ACSF3: variants seen among roughly 807,000 people sequenced by gnomAD.
ACSF3 encodes acyl-CoA synthetase family member 3.
In ACSF3, 78 loss-of-function variants were observed where a neutral mutation model predicts 53.2. That is an observed-to-expected ratio of 1.47 (90% confidence interval 1.22 to 1.77). The LOEUF (loss-of-function observed/expected upper bound fraction) is 1.77. Among genes scored for constraint, ACSF3 ranks in the 40% most tolerant of loss-of-function variants. The pLI, the probability that ACSF3 is intolerant of heterozygous loss-of-function variation, is 0.00. For synonymous variants in ACSF3, 414 were observed against 333.1 expected, an observed-to-expected ratio of 1.24 and a Z score of -2.65; for missense variants, 937 against 771.1, an observed-to-expected ratio of 1.22 and a Z score of -2.55.
At chr16:89,134,937 G>A (rs375725870) in intron 8 of ACSF3, among the ~76,000 whole-genome samples, 1 of 152,196 alleles carries the variant, frequency 6.6e-6, no homozygotes, top group East Asian at 1.9e-4. Context: ...GCAGACGTGC[G>A]TGGGTGGACA....
intron 7 of ACSF3, among the ~76,000 whole-genome samples, chr16:89,128,967 AG>A (rs1908726877): frequency 1.4e-4 from 3 of 21,182 alleles, no homozygotes; most frequent in African/African-American, 4.7e-4. Context: ...CTCTACAAAA[AG>A]TTGGAAAAAA....
intron 8 of ACSF3, among the ~76,000 whole-genome samples, chr16:89,142,737 A>G (rs72817496): frequency 0.01 from 1,527 of 150,540 alleles, 17 homozygotes; most frequent in Non-Finnish European, 0.016. Context: ...ACCTATAGAC[A>G]CACCCACACC....
intron 1 of ACSF3, among the ~76,000 whole-genome samples, chr16:89,097,410 A>C (rs1974751663): frequency 6.6e-6 from 1 of 152,204 alleles, no homozygotes; most frequent in Non-Finnish European, 1.5e-5. Flanking sequence ...AGCACCCCAG[A>C]AAGCACCGTC....
intron 2 of ACSF3, among the ~76,000 whole-genome samples, chr16:89,099,090 T>G (rs867198969): frequency 2.2e-4 from 33 of 152,306 alleles, no homozygotes; most frequent in African/African-American, 7.5e-4. Context: ...GAGCAAAGCT[T>G]TGATTATAAA....
Position 89,120,912 on chromosome 16 carries a change from AG to A in ACSF3, c.1239+1del, listed in dbSNP as rs1567712605. 4 of 1,613,580 alleles carry A rather than the reference AG, an allele frequency of 2.5e-6. No individual in the cohort carries two copies. On this transcript the variant is annotated frameshift_variant and splice_region_variant, in exon 7 of 11. Coordinates refer to ENST00000614302, the MANE Select transcript of ACSF3 (RefSeq NM_001243279.3). LOFTEE classifies it high-confidence loss of function. Reference protein sequence around the residue: ...IHAEGDERGTKVTPGFEEKEG... With the variant: ...IHAEGDERGTXVTPGFEEKEG... ...GCAGAGGGAGACGAGAGGGGGACCA[AG>A]GTAAGCCACTCTGCTCTTGGCAGGT...
intron 1 of ACSF3, among the ~76,000 whole-genome samples, chr16:89,096,946 C>A (rs1974688450): frequency 6.6e-6 from 1 of 152,264 alleles, no homozygotes. Context: ...GCTCTGGATT[C>A]CGCGCAGGAG....
At chr16:89,096,378 G>T (rs1041474270) in intron 1 of ACSF3, among the ~76,000 whole-genome samples, 1 of 152,194 alleles carries the variant, frequency 6.6e-6, no homozygotes, top group Non-Finnish European at 1.5e-5. Flanking sequence ...GGAAGCTGGG[G>T]TGCCTCTGGA....
chr16:89,120,125 G>A (rs1177182860), intron 6 of ACSF3, among the ~76,000 whole-genome samples: 1 of 152,244 alleles, frequency 6.6e-6, no homozygotes, highest in African/African-American at 2.4e-5. Flanking sequence ...CCCTGCGTGT[G>A]CCGGCGGGAC....
intron 8 of ACSF3, among the ~76,000 whole-genome samples, chr16:89,135,442 A>G (rs1910236302): frequency 6.6e-6 from 1 of 152,258 alleles, no homozygotes; most frequent in Admixed American, 6.5e-5. Flanking sequence ...CCCCTAGAGC[A>G]GAGGCCAGTG....
chr16:89,120,146 A>C (rs1336343528), intron 6 of ACSF3, among the ~76,000 whole-genome samples: 1 of 152,196 alleles, frequency 6.6e-6, no homozygotes, highest in African/African-American at 2.4e-5. Context: ...ACGTCTCGCC[A>C]CCTGGGCTCT....
chr16:89,120,682 C>T (rs745591429), intron 6 of ACSF3, 119 bp from the exon 7 acceptor site: 7 of 977,082 alleles, frequency 7.2e-6, no homozygotes, highest in Non-Finnish European at 9.9e-6. Context: ...TCGCTCCCTC[C>T]ACACAGACTC....
chr16:89,138,303 G>A (rs953346682), intron 8 of ACSF3, among the ~76,000 whole-genome samples: 4 of 152,200 alleles, frequency 2.6e-5, no homozygotes, highest in Admixed American at 6.5e-5. Context: ...CTCGTCCAGG[G>A]GAGGGACCTT....
At chr16:89,098,083 AC>A (rs1974831723) in intron 1 of ACSF3, among the ~76,000 whole-genome samples, 1 of 152,076 alleles carries the variant, frequency 6.6e-6, no homozygotes, top group African/African-American at 2.4e-5. Flanking sequence ...CAAAAAAAAA[AC>A]AAAAGAGCCC....
chr16:89,101,250 A>G lies in ACSF3; in HGVS notation c.569A>G (p.Gln190Arg). The G allele has an allele frequency of 1.2e-6, 2 of 1,601,628 alleles. No individual in the cohort carries two copies. The highest frequency in any genetic ancestry group is 1.7e-6 in the Non-Finnish European group (2 of 1,174,464). The change falls in exon 3 of 11, where the codon CAG (glutamine) becomes CGG (arginine). Residue 190 changes from glutamine to arginine, a missense_variant. By Grantham distance (43) the Gln-to-Arg change is conservative. Coordinates refer to ENST00000614302, the MANE Select transcript of ACSF3 (RefSeq NM_001243279.3). ...EEPAEVPVPE[Q>R]GWRNKGAMII... is the part of the protein sequence containing the mutation. ...CCGGCAGAGGTCCCGGTCCCAGAGC[A>G]GGGATGGAGGAACAAGGGCGCCATG...
intron 7 of ACSF3, among the ~76,000 whole-genome samples, chr16:89,124,046 CAT>C (rs1907336774): frequency 1.3e-5 from 2 of 151,150 alleles, no homozygotes; most frequent in African/African-American, 4.9e-5. Context: ...GTATCACACA[CAT>C]GCAGTGCATG....
chr16:89,153,870 T>C lies in ACSF3; in HGVS notation c.1614-220T>C, dbSNP rs117117251. 0.027 allele frequency: 16,155 copies of C among 592,288 alleles called. 520 individuals are homozygous for C. Among genetic ancestry groups the C allele is most frequent in the East Asian group, 0.11 (3,924 of 34,634 alleles). The allele number at this position is 592,288 out of a possible 1,614,324, so 36.7% of individuals were successfully genotyped here. A position where few individuals can be genotyped will look rare whatever the true frequency, so the allele number is the denominator to read the frequency against. On this transcript the variant is annotated intron_variant, in intron 10 of 10. Coordinates refer to ENST00000614302, the MANE Select transcript of ACSF3 (RefSeq NM_001243279.3). The stretch of plus-strand genomic sequence containing the variant: ...CGCACCATGGCTTCTGTGGTACCAG[T>C]GATAACACCATGCCGGGCACCTCCT...
At position 89,102,630 on chromosome 16, in the gene ACSF3, A is replaced by G. The variant is rs750797204; in HGVS notation, c.693A>G (p.Ala231=). The stretch of plus-strand genomic sequence containing the variant: ...TGACCGGGCTGGTCCACAAGTGGGC[A>G]TGGACCAAAGACGACGTGATCCTCC... ...AVVTGLVHKW[A]WTKDDVILHV... is the part of the protein sequence containing the mutation. The change falls in exon 4 of 11, where the codon GCA becomes GCG. Residue 231 remains alanine, a synonymous_variant. Coordinates refer to ENST00000614302, the MANE Select transcript of ACSF3 (RefSeq NM_001243279.3). 3 of 1,613,670 alleles carry G rather than the reference A, an allele frequency of 1.9e-6. No individual in the cohort carries two copies. Among genetic ancestry groups the G allele is most frequent in the African/African-American group, 2.7e-5 (2 of 74,864 alleles).
chr16:89,114,822 C>G (rs570230352), intron 6 of ACSF3: 1 of 390,514 alleles, frequency 2.6e-6, no homozygotes, highest in Admixed American at 3.6e-5. Flanking sequence ...ATGCTGTTGG[C>G]TCCAGACCAC....
rs529306939 is a variant in ACSF3, at chr16:89,093,876, C to G, written c.-314C>G. 276 of 318,242 alleles carry G rather than the reference C, an allele frequency of 8.7e-4. 1 individual carries two copies. Among genetic ancestry groups the G allele is most frequent in the African/African-American group, 4.3e-3 (194 of 44,718 alleles). The allele number at this position is 318,242 out of a possible 1,614,324, so 19.7% of individuals were successfully genotyped here. ...TGTTGGGCGCCGGAACTGGTCCGGC[C>G]CGACTCACGACCCCGCGGGACCCGG... On this transcript the variant is annotated 5_prime_UTR_variant, in exon 1 of 11. Coordinates refer to ENST00000614302, the MANE Select transcript of ACSF3 (RefSeq NM_001243279.3).
Sources: allele counts gnomAD v4.1 joint callset (sites outside exome capture counted in the v4.1 genomes callset), GRCh38; gene constraint gnomAD v4.1.1; transcripts MANE v1.5; gene names NCBI Gene and HGNC (gene_info 2026-07-23, HGNC 2026-07-21).